PLEKHM2: variants seen among roughly 807,000 people sequenced by gnomAD.
The protein encoded by PLEKHM2 is pleckstrin homology and RUN domain containing M2.
A neutral mutation model predicts 116.3 loss-of-function variants in PLEKHM2; 77 were observed. The observed-to-expected ratio is 0.66, with a 90% CI of 0.55 to 0.80. The LOEUF (loss-of-function observed/expected upper bound fraction) is 0.80, where lower values mean the gene tolerates loss of function less well. Ranked by LOEUF, PLEKHM2 falls within the 30% of genes least tolerant of loss-of-function variation. PLEKHM2 has a pLI of 0.00. For missense variants in PLEKHM2, 1,183 were observed against 1,354.9 expected, an observed-to-expected ratio of 0.87 and a Z score of 1.99; for synonymous variants, 562 against 571.0, an observed-to-expected ratio of 0.98 and a Z score of 0.22.
chr1:15,684,051 G>A (rs1440164169), upstream of PLEKHM2, among the ~76,000 whole-genome samples: 1 of 150,486 alleles, frequency 6.6e-6, no homozygotes, highest in Non-Finnish European at 1.5e-5. Flanking sequence ...TCTGTGGGCT[G>A]AGGAGGGCTT....
At chr1:15,716,903 G>A (rs1366490374) in intron 3 of PLEKHM2, 87 bp downstream of exon 3, 1 of 1,510,504 alleles carries the variant, frequency 6.6e-7, no homozygotes, top group African/African-American at 1.4e-5. Context: ...TTACCCTCAG[G>A]GTCAGCCCTG....
chr1:15,690,420 A>G (rs554110667), intron 1 of PLEKHM2, among the ~76,000 whole-genome samples: 32 of 152,346 alleles, frequency 2.1e-4, no homozygotes, highest in African/African-American at 7.5e-4. Flanking sequence ...AAAAGGCCAC[A>G]TGGCAAATAT....
Position 15,718,618 on chromosome 1 carries a change from T to C in PLEKHM2, c.458T>C (p.Leu153Pro). The C allele has an allele frequency of 6.8e-7, 1 of 1,462,288 alleles. No individual in the cohort carries two copies. The highest frequency in any genetic ancestry group is 9.1e-7 in the Non-Finnish European group (1 of 1,095,958). 90.6% of individuals were successfully genotyped at this position (1,462,288 alleles called of 1,614,324 possible). Residue 153 changes from leucine (L) to proline (P), a missense_variant, in exon 5 of 20, where the codon CTG (leucine) becomes CCG (proline). By Grantham distance (98) the Leu-to-Pro change is moderately conservative. Around this residue, in one of 3 missense-constraint regions of PLEKHM2, gnomAD observed 217 missense variants for 277.6 expected, o/e 0.78. Transcript: ENST00000375799. ...VSGLEFIRFE[L>P]DLDAPYLDLA... is the part of the protein sequence containing the mutation. Reference sequence around the variant, plus strand: ...GGGCTAGAGTTCATTCGTTTCGAGCTGGATCTGGTGAGACACCAGGGCTCT... The same window carrying C: ...GGGCTAGAGTTCATTCGTTTCGAGCCGGATCTGGTGAGACACCAGGGCTCT...
In PLEKHM2 at chr1:15,732,962, C is replaced by G. The variant is rs927090574; in HGVS notation, c.2922+234C>G. Among the ~76,000 whole-genome samples the G allele has an allele frequency of 9.8e-5, 15 of 152,368 alleles. No individual in the cohort carries two copies. In the East Asian group the frequency reaches 2.5e-3, roughly 25 times the overall value. On this transcript the variant is annotated intron_variant, in intron 19 of 19. Transcript: ENST00000375799. ...CGTCTCTTGCTGCGCACAAGCCTGC[C>G]AGGCTGGGAGCCCGAGGCCCTCAAG...
At chr1:15,703,801 G>C (rs943861134) in intron 1 of PLEKHM2, among the ~76,000 whole-genome samples, 2 of 152,170 alleles carry the variant, frequency 1.3e-5, no homozygotes, top group Non-Finnish European at 2.9e-5. Context: ...AAGCAGTCTT[G>C]TGACGCCCAG....
chr1:15,712,014 A>G (rs566548808), intron 1 of PLEKHM2, among the ~76,000 whole-genome samples: 1 of 149,352 alleles, frequency 6.7e-6, no homozygotes, highest in East Asian at 2.1e-4. Context: ...GCTACTCAGG[A>G]GGCTGAGGCA....
Position 15,728,013 on chromosome 1 carries a change from G to A in PLEKHM2, c.1761-66G>A, listed in dbSNP as rs2068088923. 1 of 1,374,456 alleles carries A rather than the reference G, an allele frequency of 7.3e-7. No homozygotes were observed. Among genetic ancestry groups the A allele is most frequent in the Non-Finnish European group, 1.0e-6 (1 of 980,504 alleles). 85.1% of individuals were successfully genotyped at this position (1,374,456 alleles called of 1,614,324 possible). A position where few individuals can be genotyped will look rare whatever the true frequency, so the allele number is the denominator to read the frequency against. On this transcript the variant is annotated intron_variant, in intron 9 of 19. Transcript: ENST00000375799. This position sits in a 1 kb window ranked among gnomAD's most constrained non-coding sequence, Gnocchi z 5.9. ...CGGAGGCACTACCCCCTGGCTCTGG[G>A]GTGGGGTGTGGCCTCTCTCACCGCT...
Position 15,724,245 on chromosome 1 carries a change from G to C in PLEKHM2, c.713-1072G>C, listed in dbSNP as rs558628851. On this transcript the variant is annotated intron_variant, in intron 7 of 19. Coordinates refer to ENST00000375799, the MANE Select transcript of PLEKHM2 (RefSeq NM_015164.4). The stretch of plus-strand genomic sequence containing the variant: ...CACGCCTGTAATCCCAGCATTTTGG[G>C]AGGCCGAGGCGGGCAGATCACGAGG... 2.4e-4 allele frequency among the ~76,000 whole-genome samples: 36 copies of C among 152,326 alleles called. No individual in the cohort carries two copies. The South Asian group carries it at 6.6e-3, about 28-fold the overall frequency.
intron 1 of PLEKHM2, among the ~76,000 whole-genome samples, chr1:15,701,575 G>C (rs1230150750): frequency 6.6e-6 from 1 of 152,188 alleles, no homozygotes; most frequent in Non-Finnish European, 1.5e-5. Flanking sequence ...GGATCACGAG[G>C]TCAGGAGATC....
chr1:15,686,647 A>ATTTTTTTT (rs1361252513), intron 1 of PLEKHM2, among the ~76,000 whole-genome samples: 1 of 140,876 alleles, frequency 7.1e-6, no homozygotes. Context: ...CACCCGGCTA[A>ATTTTTTTT]ATTTTTTTTT....
intron 1 of PLEKHM2, among the ~76,000 whole-genome samples, chr1:15,706,356 A>G (rs1358437038): frequency 2.6e-5 from 4 of 152,046 alleles, no homozygotes; most frequent in East Asian, 1.9e-4. Context: ...GGATGCCACA[A>G]TAGCCATTTC....
At chr1:15,704,270 A>G (rs1346037548) in intron 1 of PLEKHM2, among the ~76,000 whole-genome samples, 2 of 151,418 alleles carry the variant, frequency 1.3e-5, no homozygotes, top group Admixed American at 6.6e-5. Flanking sequence ...GATTTTCTGT[A>G]TTTACTGTCT....
chr1:15,707,732 C>T (rs1160013683), intron 1 of PLEKHM2, among the ~76,000 whole-genome samples: 2 of 152,290 alleles, frequency 1.3e-5, no homozygotes, highest in Admixed American at 6.5e-5. Context: ...CATCCTCACT[C>T]GGGAGATGCC....
chr1:15,725,111 G>A (rs2068045069), intron 7 of PLEKHM2, among the ~76,000 whole-genome samples: 2 of 152,212 alleles, frequency 1.3e-5, no homozygotes, highest in Admixed American at 1.3e-4. Flanking sequence ...GGGTGGTGGA[G>A]ATGGTGTTCC....
intron 1 of PLEKHM2, among the ~76,000 whole-genome samples, chr1:15,710,904 G>A (rs977208641): frequency 2.6e-5 from 4 of 152,190 alleles, no homozygotes; most frequent in East Asian, 1.9e-4. Flanking sequence ...GCTGGGTGCC[G>A]TGGCTCATGC....
chr1:15,682,219 C>G (rs924479321), upstream of PLEKHM2, among the ~76,000 whole-genome samples: 3 of 151,070 alleles, frequency 2.0e-5, no homozygotes, highest in Non-Finnish European at 2.9e-5. Flanking sequence ...AAGGCCAAGG[C>G]GGGCAGATCA....
chr1:15,684,697 G>GGCGACCCTGCGGCCGCAGGGACTC, intron 1 of PLEKHM2, 79 bp downstream of exon 1: 2 of 795,234 alleles, frequency 2.5e-6, no homozygotes, highest in Non-Finnish European at 3.3e-6. Flanking sequence ...CTCCCGGGCC[G>GGCGACCCTGCGGCCGCAGGGACTC]GGGCCCCCCG....
chr1:15,700,932 T>C (rs1395520532), intron 1 of PLEKHM2, among the ~76,000 whole-genome samples: 5 of 150,256 alleles, frequency 3.3e-5, no homozygotes, highest in Non-Finnish European at 7.4e-5. Context: ...GCCAAGATGG[T>C]GAAAACCTGT....
At position 15,733,908 on chromosome 1, in the gene PLEKHM2, C is replaced by T. The variant is rs373431155; in HGVS notation, c.3034C>T (p.Arg1012Ter). 4 of 1,612,600 alleles carry T rather than the reference C, an allele frequency of 2.5e-6. No homozygotes were observed. The highest frequency in any genetic ancestry group is 2.5e-6 in the Non-Finnish European group (3 of 1,179,686). ...WQRSDSLCRGRASRDPWC is the reference protein window; with the variant it reads ...WQRSDSLCRG Reference sequence around the variant, plus strand: ...GCGGAGCGACAGTCTCTGCCGCGGCCGAGCCTCCCGAGACCCCTGGTGCTG... The same window carrying T: ...GCGGAGCGACAGTCTCTGCCGCGGCTGAGCCTCCCGAGACCCCTGGTGCTG... Residue 1012 changes from arginine to a stop codon, truncating the protein, a stop_gained, in exon 20 of 20, where the codon CGA (arginine) becomes TGA (stop). Coordinates refer to ENST00000375799, the MANE Select transcript of PLEKHM2 (RefSeq NM_015164.4). LOFTEE classifies it high-confidence loss of function.
Sources: gnomAD v4.1 joint callset for allele counts (sites outside exome capture counted in the v4.1 genomes callset) on GRCh38, gnomAD v4.1.1 for gene constraint, gnomAD v4.1.1 regional missense constraint, Gnocchi (gnomAD v3.1) non-coding constraint, MANE v1.5 for transcripts, NCBI Gene and HGNC (gene_info 2026-07-23, HGNC 2026-07-21) for gene names.